Variants in BRME1 observed in about 807,000 individuals in gnomAD.
BRME1 encodes BRCA2 and MEILB2-associating protein 1.
In BRME1, 31 loss-of-function variants were observed where a neutral mutation model predicts 52.6. The observed-to-expected ratio is 0.59, with a 90% CI of 0.44 to 0.80. The LOEUF (loss-of-function observed/expected upper bound fraction) is 0.80, where lower values mean the gene tolerates loss of function less well. Among genes scored for constraint, BRME1 ranks in the 30% least tolerant of loss-of-function variants. The pLI, the probability that BRME1 is intolerant of heterozygous loss-of-function variation, is 0.00. For synonymous variants in BRME1, 359 were observed against 353.6 expected, an observed-to-expected ratio of 1.02 and a Z score of -0.17; for missense variants, 804 against 860.3, an observed-to-expected ratio of 0.93 and a Z score of 0.82.
chr19:13,890,011 G>A lies in BRME1; in HGVS notation c.845C>T (p.Ser282Leu). ...TGGAGCAGGGCCTGAGGTAGGAGCT[G>A]ATGCTGGGGTACAGGGGACACCGTC... ...EGDGVPCTPA[S>L]APTSGPAPGL... Residue 282 changes from serine to leucine, a missense_variant, in exon 6 of 9, where the codon TCA becomes TTA. By Grantham distance (145) the Ser-to-Leu change is moderately radical (BLOSUM62 -2). Around this residue, in one of 3 missense-constraint regions of BRME1, gnomAD observed 552 missense variants for 561.1 expected, o/e 0.98. Transcript: ENST00000586783. 1 of 1,613,242 alleles carries A rather than the reference G, an allele frequency of 6.2e-7. No individual in the cohort carries two copies. Among genetic ancestry groups the A allele is most frequent in the Non-Finnish European group, 8.5e-7 (1 of 1,179,976 alleles).
chr19:13,882,458 A>C lies in BRME1; in HGVS notation c.*344T>G. ...CTCTTCTCCTCCAGGAAAGAAACAAATTCTGAACCATCCATACTTGGCTCA... is the reference window on the plus strand; with the variant it reads ...CTCTTCTCCTCCAGGAAAGAAACAACTTCTGAACCATCCATACTTGGCTCA... On this transcript the variant is annotated 3_prime_UTR_variant, in exon 9 of 9. Coordinates refer to ENST00000586783, the MANE Select transcript of BRME1 (RefSeq NM_001345843.2). 2.4e-6 allele frequency: 1 copy of C among 422,664 alleles called. No homozygotes were observed. Among genetic ancestry groups the C allele is most frequent in the Non-Finnish European group, 4.2e-6 (1 of 240,590 alleles). The allele number at this position is 422,664 out of a possible 1,614,324, so 26.2% of individuals were successfully genotyped here.
chr19:13,889,684 G>A lies in BRME1; in HGVS notation c.1172C>T (p.Thr391Ile). 2 of 1,610,126 alleles carry A rather than the reference G, an allele frequency of 1.2e-6. No individual in the cohort carries two copies. Among genetic ancestry groups the A allele is most frequent in the South Asian group, 1.1e-5 (1 of 90,830 alleles). Residue 391 changes from threonine to isoleucine, a missense_variant, in exon 6 of 9, where the codon ACT becomes ATT. Thr to Ile is a moderately conservative substitution (Grantham distance 89). Around this residue, in one of 3 missense-constraint regions of BRME1, gnomAD observed 552 missense variants for 561.1 expected, o/e 0.98. Coordinates refer to ENST00000586783, the MANE Select transcript of BRME1 (RefSeq NM_001345843.2). ...RRALPGCTSL[T>I]GETTGESGEA... ...CCCACTTTCTCCTGTGGTTTCCCCA[G>A]TGAGCGAGGTGCAGCCTGGCAAGGC...
At chr19:13,893,037 T>C in intron 4 of BRME1, 105 bp downstream of exon 4, 1 of 1,363,850 alleles carries the variant, frequency 7.3e-7, no homozygotes, top group Non-Finnish European at 1.0e-6. Flanking sequence ...CCAGCCCCTG[T>C]AGACCATGAG....
intron 2 of BRME1, among the ~76,000 whole-genome samples, chr19:13,895,896 T>G (rs1254362198): frequency 6.6e-6 from 1 of 152,202 alleles, no homozygotes; most frequent in Non-Finnish European, 1.5e-5. Context: ...GCCCCTTGCA[T>G]TTCTGCACTA....
intron 2 of BRME1, among the ~76,000 whole-genome samples, chr19:13,903,515 A>C (rs1163050614): frequency 6.6e-6 from 1 of 152,026 alleles, no homozygotes; most frequent in Admixed American, 6.6e-5. Flanking sequence ...CCTACTAAAA[A>C]TACAAAAATT....
Position 13,904,917 on chromosome 19 carries a change from A to G in BRME1, c.-21-4T>C. 6.2e-7 allele frequency: 1 copy of G among 1,608,528 alleles called. No individual in the cohort carries two copies. The highest frequency in any genetic ancestry group is 8.5e-7 in the Non-Finnish European group (1 of 1,175,182). On this transcript the variant is annotated splice_region_variant and splice_polypyrimidine_tract_variant and intron_variant, in intron 1 of 8. Transcript: ENST00000586783. ...TTTTATCTTCCCCTTGAGAAATCTGAAAACAAGCAAAATCTCTCATCATTA... is the reference window on the plus strand; with the variant it reads ...TTTTATCTTCCCCTTGAGAAATCTGGAAACAAGCAAAATCTCTCATCATTA...
rs928952930 is a variant in BRME1, at chr19:13,897,631, C to T, written c.32-2085G>A. Among the ~76,000 whole-genome samples, 16 of 152,206 alleles carry T rather than the reference C, an allele frequency of 1.1e-4. 1 individual carries two copies. The highest frequency in any genetic ancestry group is 4.1e-4 in the South Asian group (2 of 4,820). On this transcript the variant is annotated intron_variant, in intron 2 of 8. Transcript: ENST00000586783. ...CTGTAATCCCAGGACTTTGGGAGGC[C>T]GAGGCAGGTGGATTGCTTAAGCTCA...
chr19:13,897,125 G>T (rs1338337585), intron 2 of BRME1, among the ~76,000 whole-genome samples: 1 of 148,190 alleles, frequency 6.7e-6, no homozygotes, highest in African/African-American at 2.5e-5. Context: ...CGCAACCTCT[G>T]CCTCCCGGGT....
intron 2 of BRME1, among the ~76,000 whole-genome samples, chr19:13,896,034 C>G (rs1969863366): frequency 6.6e-6 from 1 of 152,182 alleles, no homozygotes; most frequent in Non-Finnish European, 1.5e-5. Flanking sequence ...CTTTGGGAGG[C>G]CGAGGCGGGT....
intron 7 of BRME1, among the ~76,000 whole-genome samples, chr19:13,884,219 A>C (rs995863129): frequency 1.3e-5 from 2 of 152,190 alleles, no homozygotes; most frequent in Admixed American, 1.3e-4. Flanking sequence ...GCGCGCCTGT[A>C]GTCCCAGCTA....
At position 13,883,218 on chromosome 19, in the gene BRME1, G is replaced by A. The variant is rs941940858; in HGVS notation, c.1856+90C>T. The A allele has an allele frequency of 4.0e-6, 5 of 1,252,884 alleles. No individual in the cohort carries two copies. In the Admixed American group the frequency reaches 6.3e-5, roughly 16 times the overall value. The allele number at this position is 1,252,884 out of a possible 1,614,324, so 77.6% of individuals were successfully genotyped here. A position where few individuals can be genotyped will look rare whatever the true frequency, so the allele number is the denominator to read the frequency against. On this transcript the variant is annotated intron_variant, in intron 8 of 8. Coordinates refer to ENST00000586783, the MANE Select transcript of BRME1 (RefSeq NM_001345843.2). The surrounding 1 kb of genome is among the most constrained non-coding windows in gnomAD (Gnocchi z 4.2). ...GTGCCTGACCCTCGCTGCCCACCTA[G>A]GGGCTTCACACTTCAGTCCCTCCCT... is the stretch of plus-strand genomic sequence containing the variant.
intron 5 of BRME1, 120 bp downstream of exon 5, chr19:13,892,666 G>A: frequency 1.5e-6 from 1 of 684,150 alleles, no homozygotes; most frequent in Non-Finnish European, 2.6e-6. Flanking sequence ...TGAAAACGGT[G>A]GGTGGAGAGG....
rs1289156371 is a variant in BRME1 at position 13,882,681 on chromosome 19, A to C, written c.*121T>G. On this transcript the variant is annotated 3_prime_UTR_variant, in exon 9 of 9. Coordinates refer to ENST00000586783, the MANE Select transcript of BRME1 (RefSeq NM_001345843.2). Reference sequence around the variant, plus strand: ...GCCTCCTTTGTGTTGTCCATGGAAGACCAACTTCCGGGCAACTGAAGGGAG... The same window carrying C: ...GCCTCCTTTGTGTTGTCCATGGAAGCCCAACTTCCGGGCAACTGAAGGGAG... 2.2e-6 allele frequency: 3 copies of C among 1,352,716 alleles called. No homozygotes were observed. Among genetic ancestry groups the C allele is most frequent in the Admixed American group, 4.4e-5 (2 of 45,298 alleles). 83.8% of individuals were successfully genotyped at this position (1,352,716 alleles called of 1,614,324 possible). A position where few individuals can be genotyped will look rare whatever the true frequency, so the allele number is the denominator to read the frequency against.
chr19:13,905,168 G>T (rs760505284), intron 1 of BRME1, among the ~76,000 whole-genome samples: 2 of 151,956 alleles, frequency 1.3e-5, no homozygotes, highest in Non-Finnish European at 2.9e-5. Flanking sequence ...AATGGGCCCT[G>T]GGGGGTCCTT....
rs535747826 is a variant in BRME1 at position 13,889,218 on chromosome 19, G to A, written c.1638C>T (p.Asp546=). 23 of 1,605,896 alleles carry A rather than the reference G, an allele frequency of 1.4e-5. No homozygotes were observed. The East Asian group carries it at 2.2e-4, about 16-fold the overall frequency. The stretch of plus-strand genomic sequence containing the variant: ...CAGGTGGGGCTTCGAAGTCAGAGGC[G>A]TCCAGGGCATCCTGTATCTGGCTGT... ...LLDSQIQDAL[D]ASDFEAPPEQ... Residue 546 remains aspartate (D), a synonymous_variant, in exon 6 of 9, where the codon GAC becomes GAT. Transcript: ENST00000586783.
Position 13,882,911 on chromosome 19 carries a change from T to C in BRME1, c.1898A>G (p.Lys633Arg). The stretch of plus-strand genomic sequence containing the variant: ...CTTTGTCTTCCGGTAGTTAAGGCGC[T>C]TGAAAGCTTCCAGGTCCCGGTGGGT... ...MGTHRDLEAFKRLNYRKTKLG... is the reference protein window; with the variant it reads ...MGTHRDLEAFRRLNYRKTKLG... The change falls in exon 9 of 9, where the codon AAG becomes AGG. Residue 633 changes from lysine (K) to arginine (R), a missense_variant. By Grantham distance (26) the Lys-to-Arg change is conservative. Coordinates refer to ENST00000586783, the MANE Select transcript of BRME1 (RefSeq NM_001345843.2). 1 of 1,613,782 alleles carries C rather than the reference T, an allele frequency of 6.2e-7. No individual in the cohort carries two copies. Among genetic ancestry groups the C allele is most frequent in the Non-Finnish European group, 8.5e-7 (1 of 1,179,958 alleles).
At chr19:13,904,955 G>T (rs1006324937) in intron 1 of BRME1, 42 bp from the exon 2 acceptor site, 236 of 1,519,326 alleles carry the variant, frequency 1.6e-4, no homozygotes, top group Middle Eastern at 3.4e-4. Context: ...AGCAGTCTCT[G>T]TCTCTGTTTA....
In BRME1 at chr19:13,893,086, A is replaced by C; in HGVS notation, c.288+56T>G. 2.7e-6 allele frequency: 4 copies of C among 1,508,566 alleles called. No individual in the cohort carries two copies. The South Asian group carries it at 4.8e-5, about 18-fold the overall frequency. The allele number at this position is 1,508,566 out of a possible 1,614,324, so 93.4% of individuals were successfully genotyped here. A position where few individuals can be genotyped will look rare whatever the true frequency, so the allele number is the denominator to read the frequency against. On this transcript the variant is annotated intron_variant, in intron 4 of 8. Transcript: ENST00000586783. ...ACAAAGAAGGGAGACACAGAGCCGG[A>C]ACTTTAAGGGAGGCAGTGGTGCTTC...
intron 2 of BRME1, among the ~76,000 whole-genome samples, chr19:13,897,473 T>C (rs1969988553): frequency 6.6e-6 from 1 of 152,154 alleles, no homozygotes; most frequent in Admixed American, 6.6e-5. Context: ...AGAACTTGTG[T>C]GTGTTAAGAT....
Sources: allele counts gnomAD v4.1 joint callset (sites outside exome capture counted in the v4.1 genomes callset), GRCh38; gene constraint gnomAD v4.1.1; regional missense constraint gnomAD v4.1.1; non-coding constraint Gnocchi (gnomAD v3.1); transcripts MANE v1.5; gene names NCBI Gene and HGNC (gene_info 2026-07-23, HGNC 2026-07-21).